TSHZ2: variants seen among roughly 807,000 people sequenced by gnomAD.
TSHZ2 encodes teashirt homolog 2.
Under a neutral mutation model 74.4 loss-of-function variants are expected in TSHZ2, and 21 were observed. The observed-to-expected ratio is 0.28, with a 90% confidence interval of 0.20 to 0.41. The LOEUF (loss-of-function observed/expected upper bound fraction) is 0.41. Among genes scored for constraint, TSHZ2 ranks in the 10% least tolerant of loss-of-function variants. The pLI, the probability that TSHZ2 is intolerant of heterozygous loss-of-function variation, is 1.00. For synonymous variants in TSHZ2, 540 were observed against 515.3 expected, an observed-to-expected ratio of 1.05 and a Z score of -0.65; for missense variants, 1,244 against 1,293.5, an observed-to-expected ratio of 0.96 and a Z score of 0.59.
At chr20:53,117,565 C>A (rs898708510) in intron 1 of TSHZ2, among the ~76,000 whole-genome samples, 2 of 152,148 alleles carry the variant, frequency 1.3e-5, no homozygotes, top group African/African-American at 4.8e-5. Context: ...AGGAATAACA[C>A]TGGGAGAAGG....
chr20:52,973,193 G>C lies in TSHZ2; in HGVS notation c.-101G>C. The C allele has an allele frequency of 1.3e-6, 2 of 1,484,950 alleles. No individual in the cohort carries two copies. Among genetic ancestry groups the C allele is most frequent in the Non-Finnish European group, 1.8e-6 (2 of 1,091,370 alleles). 92.0% of individuals were successfully genotyped at this position (1,484,950 alleles called of 1,614,324 possible). On this transcript the variant is annotated 5_prime_UTR_variant, in exon 1 of 3. Coordinates refer to ENST00000371497, the MANE Select transcript of TSHZ2 (RefSeq NM_173485.6). ...CCGAGTGACGTCCTAGGAGCCACCG[G>C]GCAAGAGGCGGAGGAGACCCAGAGA...
chr20:53,037,464 C>T (rs1011396052), intron 1 of TSHZ2, among the ~76,000 whole-genome samples: 7 of 152,142 alleles, frequency 4.6e-5, no homozygotes, highest in Admixed American at 3.3e-4. Context: ...TTCTTTGAAA[C>T]TAAATAGCTC....
chr20:53,123,345 C>T (rs767699638), intron 1 of TSHZ2, among the ~76,000 whole-genome samples: 3 of 152,106 alleles, frequency 2.0e-5, no homozygotes, highest in African/African-American at 7.2e-5. Context: ...AGTTGGTCCT[C>T]TTCAATAAAC....
At position 53,257,050 on chromosome 20, in the gene TSHZ2, A is replaced by G. The variant is rs540380146; in HGVS notation, c.*8+479A>G. 3.3e-5 allele frequency among the ~76,000 whole-genome samples: 5 copies of G among 152,372 alleles called. No homozygotes were observed. The South Asian group carries it at 1.0e-3, about 32-fold the overall frequency. ...GTAGTTACTATATAGAGATTCCTTA[A>G]TCAGCTCATGAATAGCTTAAAGTTG... On this transcript the variant is annotated intron_variant, in intron 2 of 2. Coordinates refer to ENST00000371497, the MANE Select transcript of TSHZ2 (RefSeq NM_173485.6).
chr20:53,019,360 A>C (rs1983153288), intron 1 of TSHZ2, among the ~76,000 whole-genome samples: 1 of 152,090 alleles, frequency 6.6e-6, no homozygotes, highest in African/African-American at 2.4e-5. Flanking sequence ...TGAAGTCACT[A>C]TCCTATATGG....
chr20:52,999,333 T>C (rs956402576), intron 1 of TSHZ2, among the ~76,000 whole-genome samples: 3 of 152,102 alleles, frequency 2.0e-5, no homozygotes, highest in Admixed American at 6.5e-5. Flanking sequence ...AAGCAACATA[T>C]ATACTTAAGA....
chr20:53,338,493 A>G (rs566922550), intron 2 of TSHZ2, among the ~76,000 whole-genome samples: 1 of 152,346 alleles, frequency 6.6e-6, no homozygotes, highest in East Asian at 1.9e-4. Context: ...TCAAACAAGT[A>G]GTAACTGCCC....
At chr20:53,479,024 G>T (rs780248095) in intron 2 of TSHZ2, among the ~76,000 whole-genome samples, 29 of 152,078 alleles carry the variant, frequency 1.9e-4, no homozygotes, top group Non-Finnish European at 3.8e-4. Context: ...AATTAGCCGG[G>T]TGTGGTGGCG....
intron 2 of TSHZ2, among the ~76,000 whole-genome samples, chr20:53,424,735 C>T (rs1217777216): frequency 6.6e-6 from 1 of 152,124 alleles, no homozygotes; most frequent in Non-Finnish European, 1.5e-5. Context: ...GCCAGGCAGG[C>T]TCCAGTGTCT....
At chr20:53,286,668 G>A (rs1034970646) in intron 2 of TSHZ2, among the ~76,000 whole-genome samples, 5 of 152,026 alleles carry the variant, frequency 3.3e-5, no homozygotes, top group African/African-American at 4.8e-5. Context: ...GAACATCAAC[G>A]GCTTGAGCCC....
intron 1 of TSHZ2, among the ~76,000 whole-genome samples, chr20:53,172,848 C>T (rs576124848): frequency 6.6e-6 from 1 of 152,298 alleles, no homozygotes; most frequent in South Asian, 2.1e-4. Flanking sequence ...CACTAGCAAA[C>T]TTGAGGGAAT....
chr20:53,472,816 G>C (rs956855053), intron 2 of TSHZ2, among the ~76,000 whole-genome samples: 1 of 151,914 alleles, frequency 6.6e-6, no homozygotes, highest in Non-Finnish European at 1.5e-5. Context: ...TGCGCGAGCC[G>C]AAGCAGGGTG....
chr20:53,404,291 C>A (rs551750658), intron 2 of TSHZ2, among the ~76,000 whole-genome samples: 1 of 152,110 alleles, frequency 6.6e-6, no homozygotes, highest in Non-Finnish European at 1.5e-5. Context: ...TCTCTGGCTC[C>A]GAGTTCAGAT....
intron 1 of TSHZ2, among the ~76,000 whole-genome samples, chr20:53,107,214 G>A (rs1238169135): frequency 6.6e-6 from 1 of 152,150 alleles, no homozygotes; most frequent in Non-Finnish European, 1.5e-5. Context: ...TTGGCAGAAG[G>A]CTTCAAGTCT....
intron 1 of TSHZ2, among the ~76,000 whole-genome samples, chr20:53,252,078 C>T (rs1383391779): frequency 6.6e-6 from 1 of 152,210 alleles, no homozygotes; most frequent in Admixed American, 6.5e-5. Context: ...TGAAAGAATG[C>T]ATTTGCAGTG....
At position 53,468,754 on chromosome 20, in the gene TSHZ2, G is replaced by A. The variant is rs560094222; in HGVS notation, c.*9-18390G>A. ...ACTTGAAAGCTGAAGGCAGTGGGTC[G>A]TCTGGTTTGTGTCATGAAACATACA... On this transcript the variant is annotated intron_variant, in intron 2 of 2. Transcript: ENST00000371497. 8.6e-4 allele frequency among the ~76,000 whole-genome samples: 128 copies of A among 149,320 alleles called. 1 individual carries two copies. The highest frequency in any genetic ancestry group is 1.3e-3 in the Non-Finnish European group (88 of 67,590).
chr20:53,285,509 A>T (rs1991147842), intron 2 of TSHZ2, among the ~76,000 whole-genome samples: 1 of 152,108 alleles, frequency 6.6e-6, no homozygotes, highest in Admixed American at 6.5e-5. Flanking sequence ...CAGGAGTTCA[A>T]CACCAGCCTG....
intron 2 of TSHZ2, among the ~76,000 whole-genome samples, chr20:53,321,521 T>C (rs2145523253): frequency 6.6e-6 from 1 of 151,386 alleles, no homozygotes; most frequent in South Asian, 2.1e-4. Flanking sequence ...CCATCTCTAC[T>C]AAAAATACAA....
rs149198372 is a variant in TSHZ2, at chr20:53,181,258, T to C, written c.41-72241T>C. Among the ~76,000 whole-genome samples, 48 of 152,332 alleles carry C rather than the reference T, an allele frequency of 3.2e-4. No homozygotes were observed. The East Asian group carries it at 6.7e-3, about 21-fold the overall frequency. ...TTCATGGGTGTGTTTGTTCCTTATC[T>C]GTTTCCCCAACAAGACAATAGACTC... On this transcript the variant is annotated intron_variant, in intron 1 of 2. Transcript: ENST00000371497.
Sources: allele counts gnomAD v4.1 joint callset (sites outside exome capture counted in the v4.1 genomes callset), GRCh38; gene constraint gnomAD v4.1.1; transcripts MANE v1.5; gene names NCBI Gene and HGNC (gene_info 2026-07-23, HGNC 2026-07-21).